Variants in POU6F2 observed in about 807,000 individuals in gnomAD.
POU6F2 encodes POU domain, class 6, transcription factor 2.
POU6F2 carries 31 observed loss-of-function variants against 71.3 expected under a neutral mutation model. That is an observed-to-expected ratio of 0.43 (90% CI 0.33 to 0.59). The LOEUF (loss-of-function observed/expected upper bound fraction) is 0.59, where lower values mean the gene tolerates loss of function less well. POU6F2 is among the 20% of genes least tolerant of loss of function. The pLI is 0.04. For synonymous variants in POU6F2, 347 were observed against 355.7 expected (o/e 0.98, Z 0.27); for missense variants, 783 against 856.8 (o/e 0.91, Z 1.07).
At chr7:39,072,153 G>T (rs10081387) in intron 1 of POU6F2, among the ~76,000 whole-genome samples, 11,490 of 152,180 alleles carry the variant, frequency 0.076, 481 homozygotes, top group African/African-American at 0.11. Context: ...GTGTTGTGGG[G>T]AAACAGAAAA....
chr7:39,172,152 T>C (rs1261803691), intron 2 of POU6F2, among the ~76,000 whole-genome samples: 1 of 152,218 alleles, frequency 6.6e-6, no homozygotes, highest in African/African-American at 2.4e-5. Context: ...ATGTACTGTC[T>C]TCCAGTTTTT....
intron 4 of POU6F2, among the ~76,000 whole-genome samples, chr7:39,234,186 G>A (rs974976274): frequency 6.6e-6 from 1 of 151,986 alleles, no homozygotes; most frequent in African/African-American, 2.4e-5. Context: ...TGAATAAGAT[G>A]GTACCCTTGG....
At chr7:39,230,141 C>G (rs1475369633) in intron 4 of POU6F2, among the ~76,000 whole-genome samples, 1 of 152,118 alleles carries the variant, frequency 6.6e-6, no homozygotes, top group Non-Finnish European at 1.5e-5. Context: ...GGTTTACCTG[C>G]TACTGGTTTG....
chr7:39,449,134 C>A (rs1207141184), intron 7 of POU6F2, among the ~76,000 whole-genome samples: 2 of 152,186 alleles, frequency 1.3e-5, no homozygotes, highest in African/African-American at 2.4e-5. Context: ...TGAAATGCAA[C>A]CTCAGGCAAT....
At chr7:39,026,863 T>C (rs1789817254) in intron 1 of POU6F2, among the ~76,000 whole-genome samples, 1 of 152,048 alleles carries the variant, frequency 6.6e-6, no homozygotes, top group Admixed American at 6.6e-5. Context: ...GATGATGGAG[T>C]AACCTAGGTT....
chr7:39,051,674 T>C (rs2128714011), intron 1 of POU6F2, among the ~76,000 whole-genome samples: 1 of 152,244 alleles, frequency 6.6e-6, no homozygotes, highest in Non-Finnish European at 1.5e-5. Context: ...CTATTCCTTT[T>C]ATTTTGATTG....
intron 7 of POU6F2, among the ~76,000 whole-genome samples, chr7:39,438,534 G>A (rs773684779): frequency 1.1e-3 from 163 of 152,306 alleles, no homozygotes; most frequent in African/African-American, 3.5e-3. Context: ...TTAGAATGGC[G>A]ATCATTAAAA....
chr7:38,993,419 A>G (rs542117824), intron 1 of POU6F2, among the ~76,000 whole-genome samples: 1 of 152,258 alleles, frequency 6.6e-6, no homozygotes, highest in South Asian at 2.1e-4. Context: ...TCAAGTTTTA[A>G]ATTAGGATTG....
chr7:39,315,322 G>C lies in POU6F2; in HGVS notation c.599-24320G>C, dbSNP rs959305874. Among the ~76,000 whole-genome samples the C allele has an allele frequency of 2.6e-5, 4 of 152,150 alleles. No individual in the cohort carries two copies. In the East Asian group the frequency reaches 7.7e-4, roughly 29 times the overall value. ...CTGCAGGAAGGATTTTCCTGGCTTG[G>C]CTTGCAGCTGGTCATTAACACAAGT... On this transcript the variant is annotated intron_variant, in intron 4 of 9. Transcript: ENST00000518318.
chr7:39,012,162 A>T (rs1270485822), intron 1 of POU6F2, among the ~76,000 whole-genome samples: 1 of 151,780 alleles, frequency 6.6e-6, no homozygotes, highest in South Asian at 2.1e-4. Flanking sequence ...CAGGTACACC[A>T]ATCAGACGTA....
chr7:39,201,343 T>G (rs1183950223), intron 2 of POU6F2, among the ~76,000 whole-genome samples: 1 of 152,190 alleles, frequency 6.6e-6, no homozygotes, highest in Non-Finnish European at 1.5e-5. Context: ...ATATCTAAAT[T>G]GGAATCGAGG....
In POU6F2 at chr7:39,340,086, A is replaced by T; in HGVS notation, c.972+71A>T. ...CTTTCCATGGGGTGGTGCCATCCCC[A>T]AAGGCAGAGGGACCACACAAAACTT... On this transcript the variant is annotated intron_variant, in intron 5 of 9. Transcript: ENST00000518318. 5 of 1,464,922 alleles carry T rather than the reference A, an allele frequency of 3.4e-6. No homozygotes were observed. In the South Asian group the frequency reaches 6.8e-5, roughly 20 times the overall value. 90.7% of individuals were successfully genotyped at this position (1,464,922 alleles called of 1,614,324 possible).
At position 39,015,817 on chromosome 7, in the gene POU6F2, T is replaced by C. The variant is rs1409429764; in HGVS notation, c.105+37759T>C. ...TATATAGATATATATTATATAGGTATATATTATATATAGATATATAATATA... is the reference window on the plus strand; with the variant it reads ...TATATAGATATATATTATATAGGTACATATTATATATAGATATATAATATA... On this transcript the variant is annotated intron_variant, in intron 1 of 9. Transcript: ENST00000518318. 8.1e-4 allele frequency among the ~76,000 whole-genome samples: 60 copies of C among 74,364 alleles called. 1 individual carries two copies. Among genetic ancestry groups the C allele is most frequent in the African/African-American group, 2.9e-3 (58 of 20,300 alleles). 48.8% of individuals were successfully genotyped at this position (74,364 alleles called of 152,430 possible).
In POU6F2 at chr7:39,463,351, A is replaced by G. The variant is rs1413126975; in HGVS notation, c.1659-831A>G. Among the ~76,000 whole-genome samples, 7 of 152,236 alleles carry G rather than the reference A, an allele frequency of 4.6e-5. No homozygotes were observed. The East Asian group carries it at 1.3e-3, about 29-fold the overall frequency. On this transcript the variant is annotated intron_variant, in intron 9 of 9. Coordinates refer to ENST00000518318, the MANE Select transcript of POU6F2 (RefSeq NM_001370959.1). ...ACAGAAAATGATATCATTCAAGTAC[A>G]GTTTGCAGATATCACACATTAAACA... is the stretch of plus-strand genomic sequence containing the variant.
intron 1 of POU6F2, among the ~76,000 whole-genome samples, chr7:39,074,864 TG>T (rs1790965311): frequency 6.6e-6 from 1 of 152,210 alleles, no homozygotes; most frequent in South Asian, 2.1e-4. Context: ...GCAGTCGGCC[TG>T]CTATGAGCAC....
At chr7:39,082,583 G>A (rs1196233099) in intron 1 of POU6F2, among the ~76,000 whole-genome samples, 1 of 152,034 alleles carries the variant, frequency 6.6e-6, no homozygotes, top group Non-Finnish European at 1.5e-5. Context: ...CGACAGAAAG[G>A]ATTTCACAGA....
intron 1 of POU6F2, among the ~76,000 whole-genome samples, chr7:39,034,838 T>G (rs965681903): frequency 6.6e-6 from 1 of 152,178 alleles, no homozygotes; most frequent in East Asian, 1.9e-4. Context: ...GCAGCCACAT[T>G]CATAGCCATT....
intron 2 of POU6F2, among the ~76,000 whole-genome samples, chr7:39,165,352 A>G (rs970187927): frequency 1.4e-4 from 21 of 152,224 alleles, no homozygotes; most frequent in African/African-American, 2.4e-5. Flanking sequence ...TGAAACGTTG[A>G]AACTAGACCA....
chr7:39,412,189 G>A (rs186980064), intron 6 of POU6F2, among the ~76,000 whole-genome samples: 30 of 152,276 alleles, frequency 2.0e-4, no homozygotes, highest in African/African-American at 6.5e-4. Flanking sequence ...TATTTGTTGC[G>A]GGGTTAAATG....
Sources: allele counts gnomAD v4.1 joint callset (sites outside exome capture counted in the v4.1 genomes callset), GRCh38; gene constraint gnomAD v4.1.1; transcripts MANE v1.5; gene names NCBI Gene and HGNC (gene_info 2026-07-23, HGNC 2026-07-21).